The following CLCN7 variants were observed in gnomAD, a reference collection of about 807,000 sequenced individuals.
CLCN7 encodes H(+)/Cl(-) exchange transporter 7.
In CLCN7, 60 loss-of-function variants were observed where a neutral mutation model predicts 102.1. The observed-to-expected ratio is 0.59, with a 90% CI of 0.48 to 0.73. The LOEUF is 0.73. CLCN7 is among the 30% of genes least tolerant of loss of function. The probability of loss-of-function intolerance (pLI) is 0.00; values close to 1 mark genes in which losing one functional copy is unlikely to be tolerated. For missense variants in CLCN7, 962 were observed against 1,125.7 expected (o/e 0.85, Z 2.08); for synonymous variants, 560 against 490.5 (o/e 1.14, Z -1.87).
rs1481164618 is a variant in CLCN7, at chr16:1,446,117, C to T, written c.*514G>A. ...CCTCCAAACCCTGGTGCTACGAGTC[C>T]GTGCCTCAGGCCCAGGGACCACAGG... On this transcript the variant is annotated 3_prime_UTR_variant, in exon 25 of 25. Transcript: ENST00000382745. 14 of 597,728 alleles carry T rather than the reference C, an allele frequency of 2.3e-5. No homozygotes were observed. The highest frequency in any genetic ancestry group is 5.6e-5 in the African/African-American group (3 of 53,750). The allele number at this position is 597,728 out of a possible 1,614,324, so 37.0% of individuals were successfully genotyped here.
chr16:1,450,588 A>G lies in CLCN7; in HGVS notation c.1526T>C (p.Val509Ala). 2 of 1,612,450 alleles carry G rather than the reference A, an allele frequency of 1.2e-6. No homozygotes were observed. The highest frequency in any genetic ancestry group is 1.7e-5 in the Admixed American group (1 of 59,954). ...GGACGGGATGAAGACCCCGGCAGAC[A>G]CCGTGAGCCCGTAGGTCCAGCAGGC... ...FLACWTYGLT[V>A]SAGVFIPSLL... Residue 509 changes from valine (V) to alanine (A), a missense_variant, in exon 17 of 25, where the codon GTG (valine) becomes GCG (alanine). Physicochemically the swap from Val to Ala is moderately conservative, Grantham distance 64. Around this residue, in one of 2 missense-constraint regions of CLCN7, gnomAD observed 799 missense variants for 988.0 expected, o/e 0.81. Coordinates refer to ENST00000382745, the MANE Select transcript of CLCN7 (RefSeq NM_001287.6).
intron 20 of CLCN7, 48 bp downstream of exon 20, chr16:1,448,633 G>A (rs1383716541): frequency 3.1e-6 from 5 of 1,609,356 alleles, no homozygotes; most frequent in African/African-American, 1.3e-5. Flanking sequence ...TGTGCAACAA[G>A]AGGCCGCTGG....
intron 19 of CLCN7, 45 bp downstream of exon 19, chr16:1,448,921 G>A (rs1279615756): frequency 1.2e-6 from 2 of 1,609,438 alleles, no homozygotes; most frequent in Non-Finnish European, 1.7e-6. Flanking sequence ...CTCCCCTATG[G>A]CAGCACCCAC....
intron 2 of CLCN7, among the ~76,000 whole-genome samples, chr16:1,464,892 C>T (rs1043658118): frequency 6.6e-6 from 1 of 152,144 alleles, no homozygotes; most frequent in East Asian, 1.9e-4. Flanking sequence ...GCCACTGGCA[C>T]GGGAACATCT....
At position 1,456,164 on chromosome 16, in the gene CLCN7, C is replaced by T; in HGVS notation, c.865G>A (p.Val289Ile). 4.5e-6 allele frequency: 7 copies of T among 1,568,050 alleles called. No homozygotes were observed. The highest frequency in any genetic ancestry group is 1.4e-5 in the African/African-American group (1 of 73,810). The change falls in exon 10 of 25, where the codon GTC becomes ATC. Residue 289 changes from valine to isoleucine, a missense_variant. Physicochemically the swap from Val to Ile is conservative, Grantham distance 29 (BLOSUM62 3). Coordinates refer to ENST00000382745, the MANE Select transcript of CLCN7 (RefSeq NM_001287.6). Reference sequence around the variant, plus strand: ...ACTCCGGCCGCAGCCCCTGCGGAGACGAAGTCCCGCTTCTCTGTGTCTCTG... The same window carrying T: ...ACTCCGGCCGCAGCCCCTGCGGAGATGAAGTCCCGCTTCTCTGTGTCTCTG... ...FRRDTEKRDF[V>I]SAGAAAGVSA...
chr16:1,457,775 CAT>C lies in CLCN7; in HGVS notation c.676-21_676-20del. The C allele has an allele frequency of 6.2e-7, 1 of 1,612,236 alleles. No homozygotes were observed. The highest frequency in any genetic ancestry group is 1.1e-5 in the South Asian group (1 of 91,058). ...CCAACGTCTGAAACACAGGGAGACG[CAT>C]GGCCTCTGATGAAAAGGCAGGCGCT... On this transcript the variant is annotated intron_variant, in intron 7 of 24. Transcript: ENST00000382745. This position sits in a 1 kb window ranked among gnomAD's most constrained non-coding sequence, Gnocchi z 5.4.
In CLCN7 at chr16:1,451,588, C is replaced by T. The variant is rs780352315; in HGVS notation, c.1447+35G>A. The T allele has an allele frequency of 8.3e-6, 13 of 1,568,884 alleles. No individual in the cohort carries two copies. The South Asian group carries it at 1.0e-4, about 12-fold the overall frequency. ...CAGAAGGCATCACCCAGGCCCTGAT[C>T]CCAGGGCCTGCCCAGCGGCACTGCC... On this transcript the variant is annotated intron_variant, in intron 16 of 24. Transcript: ENST00000382745.
Position 1,455,789 on chromosome 16 carries a change from A to AC in CLCN7, c.922dup (p.Val308GlyfsTer57). 6.2e-7 allele frequency: 1 copy of AC among 1,613,394 alleles called. No homozygotes were observed. The highest frequency in any genetic ancestry group is 8.5e-7 in the Non-Finnish European group (1 of 1,179,988). On this transcript the variant is annotated frameshift_variant, in exon 11 of 25. Coordinates refer to ENST00000382745, the MANE Select transcript of CLCN7 (RefSeq NM_001287.6). LOFTEE classifies it high-confidence loss of function. ...CGCACCCTCCTCCAAGCTGAACAGGACCCCACCTGGAAGGCAGGCGGCCGG... is the reference window on the plus strand; with the variant it reads ...CGCACCCTCCTCCAAGCTGAACAGGACCCCCACCTGGAAGGCAGGCGGCCGG...
In CLCN7 at chr16:1,446,380, GA is replaced by G. The variant is rs1336620699; in HGVS notation, c.*250del. 1 of 702,386 alleles carries G rather than the reference GA, an allele frequency of 1.4e-6. No homozygotes were observed. Among genetic ancestry groups the G allele is most frequent in the African/African-American group, 1.7e-5 (1 of 57,384 alleles). 43.5% of individuals were successfully genotyped at this position (702,386 alleles called of 1,614,324 possible). A position where few individuals can be genotyped will look rare whatever the true frequency, so the allele number is the denominator to read the frequency against. Reference sequence around the variant, plus strand: ...CACACAGCTGATCCCTGGAGGTAAAGAAACCTAGACGAGGAGAGTGGAGGCT... The same window carrying G: ...CACACAGCTGATCCCTGGAGGTAAAGAACCTAGACGAGGAGAGTGGAGGCT... On this transcript the variant is annotated 3_prime_UTR_variant, in exon 25 of 25. Coordinates refer to ENST00000382745, the MANE Select transcript of CLCN7 (RefSeq NM_001287.6).
In CLCN7 at chr16:1,454,400, G is replaced by A; in HGVS notation, c.1153+11C>T. On this transcript the variant is annotated intron_variant, in intron 13 of 24. Transcript: ENST00000382745. ...GCAGGCCGTCCCTGCGGTGCTGGGA[G>A]AAGCCCTTACCCACCACGCCCATGG... 1 of 1,613,046 alleles carries A rather than the reference G, an allele frequency of 6.2e-7. No individual in the cohort carries two copies. The highest frequency in any genetic ancestry group is 1.1e-5 in the South Asian group (1 of 91,072).
At chr16:1,474,195 C>G (rs1380147760) in intron 1 of CLCN7, 1 of 456,144 alleles carries the variant, frequency 2.2e-6, no homozygotes, top group South Asian at 1.5e-5. Context: ...ACATGCGGAA[C>G]GCATTCCAAC....
At chr16:1,446,801 C>T (rs1290452768) in intron 24 of CLCN7, 84 bp from the exon 25 acceptor site, 1 of 1,289,144 alleles carries the variant, frequency 7.8e-7, no homozygotes, top group African/African-American at 1.5e-5. Flanking sequence ...GTGGCTGGGG[C>T]AGCACAGGCA....
intron 2 of CLCN7, among the ~76,000 whole-genome samples, chr16:1,463,704 C>G (rs8044945): frequency 0.47 from 71,441 of 150,776 alleles, 17,264 homozygotes; most frequent in African/African-American, 0.55. Context: ...GGCTGATCTC[C>G]AAATCCTGGG....
rs1352955603 is a variant in CLCN7 at position 1,449,301 on chromosome 16, G to A, written c.1644C>T (p.Ala548=). 2 of 1,589,146 alleles carry A rather than the reference G, an allele frequency of 1.3e-6. No homozygotes were observed. Among genetic ancestry groups the A allele is most frequent in the Admixed American group, 1.8e-5 (1 of 56,470 alleles). Residue 548 remains alanine (A), a synonymous_variant, in exon 18 of 25, where the codon GCC becomes GCT. Coordinates refer to ENST00000382745, the MANE Select transcript of CLCN7 (RefSeq NM_001287.6). ...AAIWADPGKY[A]LMGAAAQLGG... ...CCAGCTGGGCAGCAGCTCCCATCAG[G>A]GCGTATTTGCCGGGGTCCGCCCAGA...
chr16:1,447,346 C>A, intron 23 of CLCN7, 46 bp downstream of exon 23: 1 of 1,510,680 alleles, frequency 6.6e-7, no homozygotes. Flanking sequence ...CCACCCCCTG[C>A]TGTTCAGTCC....
rs368220776 is a variant in CLCN7 at position 1,446,569 on chromosome 16, G to A, written c.*62C>T. ...TTTGGGCCGAGAAACCAGTGACTCC[G>A]GGAGGAAATGCAGAAGGGCCGGGGT... On this transcript the variant is annotated 3_prime_UTR_variant, in exon 25 of 25. Coordinates refer to ENST00000382745, the MANE Select transcript of CLCN7 (RefSeq NM_001287.6). 136 of 1,403,808 alleles carry A rather than the reference G, an allele frequency of 9.7e-5. No individual in the cohort carries two copies. The African/African-American group carries it at 1.5e-3, about 16-fold the overall frequency. The allele number at this position is 1,403,808 out of a possible 1,614,324, so 87.0% of individuals were successfully genotyped here.
intron 17 of CLCN7, chr16:1,449,565 T>G: frequency 3.4e-6 from 2 of 595,164 alleles, no homozygotes; most frequent in Non-Finnish European, 6.0e-6. Flanking sequence ...GCATGGAGGA[T>G]GCAGAGGGCA....
intron 10 of CLCN7, 64 bp from the exon 11 acceptor site, chr16:1,455,859 C>G: frequency 6.4e-7 from 1 of 1,561,868 alleles, no homozygotes; most frequent in Non-Finnish European, 8.8e-7. Context: ...ACCACCAACT[C>G]CCTCCCCCAG....
chr16:1,458,185 C>A (rs2038869972), intron 7 of CLCN7, among the ~76,000 whole-genome samples: 1 of 152,238 alleles, frequency 6.6e-6, no homozygotes, highest in Admixed American at 6.5e-5. Flanking sequence ...TGCCCCCTCT[C>A]CCTTCGGCTG....
Sources: allele counts gnomAD v4.1 joint callset (sites outside exome capture counted in the v4.1 genomes callset), GRCh38; gene constraint gnomAD v4.1.1; regional missense constraint gnomAD v4.1.1; non-coding constraint Gnocchi (gnomAD v3.1); transcripts MANE v1.5; gene names NCBI Gene and HGNC (gene_info 2026-07-23, HGNC 2026-07-21).